PREX1: variants seen among roughly 807,000 people sequenced by gnomAD.
The protein encoded by PREX1 is phosphatidylinositol-3,4,5-trisphosphate dependent Rac exchange factor 1.
PREX1 carries 41 observed loss-of-function variants against 198.3 expected under a neutral mutation model. The observed-to-expected ratio is 0.21, with a 90% CI of 0.16 to 0.27. PREX1 has a LOEUF of 0.27. Among genes scored for constraint, PREX1 ranks in the 10% least tolerant of loss-of-function variants. The pLI, the probability that PREX1 is intolerant of heterozygous loss-of-function variation, is 1.00. For missense variants in PREX1, 1,620 were observed against 2,200.7 expected (o/e 0.74, Z 5.28); for synonymous variants, 843 against 887.2 (o/e 0.95, Z 0.89).
At chr20:48,855,944 A>C in the PREX1 span, among the ~76,000 whole-genome samples, 1 of 152,246 alleles carries the variant, frequency 6.6e-6, no homozygotes, top group African/African-American at 2.4e-5. Flanking sequence ...CTAATGTTTA[A>C]GTTTCAAAAA....
upstream of PREX1, among the ~76,000 whole-genome samples, chr20:48,828,720 C>A (rs567965443): frequency 2.6e-4 from 39 of 152,324 alleles, 1 homozygote; most frequent in African/African-American, 9.1e-4. Context: ...AACTTCTTTG[C>A]CCCCTGACCC....
Position 48,652,577 on chromosome 20 carries a change from G to T in PREX1, c.2467+9C>A. The T allele has an allele frequency of 6.2e-7, 1 of 1,605,554 alleles. No individual in the cohort carries two copies. The highest frequency in any genetic ancestry group is 8.5e-7 in the Non-Finnish European group (1 of 1,174,934). ...GGAAGCTCCTGTCATGCCATGCCCC[G>T]TCTATTACCTGAATCAGCCTGGTCT... On this transcript the variant is annotated intron_variant, in intron 21 of 39. Coordinates refer to ENST00000371941, the MANE Select transcript of PREX1 (RefSeq NM_020820.4).
chr20:48,658,973 A>T (rs142790765), intron 16 of PREX1, among the ~76,000 whole-genome samples: 140 of 152,084 alleles, frequency 9.2e-4, no homozygotes, highest in Non-Finnish European at 1.7e-3. Flanking sequence ...TCACGCTTGT[A>T]ATCCCAGCAC....
intron 6 of PREX1, among the ~76,000 whole-genome samples, chr20:48,701,110 C>T (rs1037749548): frequency 6.6e-6 from 1 of 152,196 alleles, no homozygotes; most frequent in Non-Finnish European, 1.5e-5. Context: ...GTCCCTTTTA[C>T]AGGAGAGGGA....
At chr20:48,698,898 T>A (rs1568829740) in intron 7 of PREX1, among the ~76,000 whole-genome samples, 1 of 152,284 alleles carries the variant, frequency 6.6e-6, no homozygotes. Context: ...TTCACTCTGT[T>A]TTACGGATGA....
intron 4 of PREX1, among the ~76,000 whole-genome samples, chr20:48,731,816 G>C (rs1241857630): frequency 6.6e-6 from 1 of 152,216 alleles, no homozygotes; most frequent in African/African-American, 2.4e-5. Flanking sequence ...CTAGGAATAG[G>C]GCAGTTTGAC....
At chr20:48,849,825 A>G in the PREX1 span, among the ~76,000 whole-genome samples, 2 of 151,990 alleles carry the variant, frequency 1.3e-5, no homozygotes, top group East Asian at 3.9e-4. Context: ...AGTGGGGGGG[A>G]ATAATGGTAA....
chr20:48,842,181 GA>G, the PREX1 span, among the ~76,000 whole-genome samples: 6 of 149,986 alleles, frequency 4.0e-5, no homozygotes, highest in South Asian at 2.1e-4. Context: ...AATAAAAAAA[GA>G]AAAAAAAATG....
intron 5 of PREX1, among the ~76,000 whole-genome samples, chr20:48,718,404 TA>T (rs2089971605): frequency 6.6e-6 from 1 of 151,286 alleles, no homozygotes; most frequent in Non-Finnish European, 1.5e-5. Context: ...TAAATAAAAA[TA>T]AAATAAATAA....
At chr20:48,763,538 T>C (rs1408833419) in intron 1 of PREX1, among the ~76,000 whole-genome samples, 1 of 152,218 alleles carries the variant, frequency 6.6e-6, no homozygotes, top group Non-Finnish European at 1.5e-5. Flanking sequence ...AGACAATGAC[T>C]TTCAAGAGGT....
Position 48,746,987 on chromosome 20 carries a change from CA to C in PREX1, c.291+821del, listed in dbSNP as rs1255041924. ...ACACACACACACACACACACACACACACACACACACACACACACACACACCC... is the reference window on the plus strand; with the variant it reads ...ACACACACACACACACACACACACACCACACACACACACACACACACACCC... On this transcript the variant is annotated intron_variant, in intron 2 of 39. Coordinates refer to ENST00000371941, the MANE Select transcript of PREX1 (RefSeq NM_020820.4). Among the ~76,000 whole-genome samples the C allele has an allele frequency of 2.3e-4, 33 of 145,136 alleles. 1 individual carries two copies. The highest frequency in any genetic ancestry group is 1.1e-3 in the Admixed American group (16 of 14,806).
rs1268193376 is a variant in PREX1 at position 48,792,851 on chromosome 20, CACAT to C, written c.219+34787_219+34790del. On this transcript the variant is annotated intron_variant, in intron 1 of 39. Coordinates refer to ENST00000371941, the MANE Select transcript of PREX1 (RefSeq NM_020820.4). ...ACACACACACACACACACACACACA[CACAT>C]AGTATGATTCCATTTATATCCATTT... 3.3e-3 allele frequency among the ~76,000 whole-genome samples: 477 copies of C among 145,560 alleles called. 5 individuals carry two copies. The highest frequency in any genetic ancestry group is 0.012 in the African/African-American group (453 of 37,190).
intron 1 of PREX1, among the ~76,000 whole-genome samples, chr20:48,802,830 T>A (rs933356937): frequency 6.6e-6 from 1 of 152,214 alleles, no homozygotes; most frequent in African/African-American, 2.4e-5. Flanking sequence ...CCCCATTCCC[T>A]TTGCAACAAG....
At chr20:48,680,298 G>A (rs1331938206) in intron 11 of PREX1, among the ~76,000 whole-genome samples, 1 of 152,096 alleles carries the variant, frequency 6.6e-6, no homozygotes, top group Non-Finnish European at 1.5e-5. Flanking sequence ...CTCCCACCTG[G>A]ACTATCACAG....
At chr20:48,640,850 GAT>G (rs2089404112) in intron 29 of PREX1, among the ~76,000 whole-genome samples, 1 of 148,626 alleles carries the variant, frequency 6.7e-6, no homozygotes, top group Admixed American at 6.7e-5. Context: ...AAGATGGATG[GAT>G]GGATGGGTAG....
chr20:48,770,196 T>C (rs2090229010), intron 1 of PREX1, among the ~76,000 whole-genome samples: 2 of 152,176 alleles, frequency 1.3e-5, no homozygotes, highest in Non-Finnish European at 2.9e-5. Flanking sequence ...GAATTACCTG[T>C]CAAGCTTTTC....
chr20:48,875,067 A>C, the PREX1 span, among the ~76,000 whole-genome samples: 1 of 152,172 alleles, frequency 6.6e-6, no homozygotes, highest in South Asian at 2.1e-4. Flanking sequence ...AAAATGGGTA[A>C]GACTGAGCGA....
intron 1 of PREX1, among the ~76,000 whole-genome samples, chr20:48,788,364 C>T (rs571990770): frequency 8.5e-5 from 13 of 152,260 alleles, no homozygotes; most frequent in African/African-American, 3.1e-4. Context: ...TGCCCACCTA[C>T]CACCCTCAAA....
chr20:48,776,157 T>C (rs2090260258), intron 1 of PREX1, among the ~76,000 whole-genome samples: 1 of 152,030 alleles, frequency 6.6e-6, no homozygotes, highest in African/African-American at 2.4e-5. Flanking sequence ...CTGAGGCTTA[T>C]TTTCCCCCTC....
Sources: gnomAD v4.1 joint callset for allele counts (sites outside exome capture counted in the v4.1 genomes callset) on GRCh38, gnomAD v4.1.1 for gene constraint, MANE v1.5 for transcripts, NCBI Gene and HGNC (gene_info 2026-07-23, HGNC 2026-07-21) for gene names.